The following GHR variants were observed in gnomAD, a reference collection of about 807,000 sequenced individuals.
GHR encodes growth hormone receptor, also known as GH receptor.
In GHR, 35 loss-of-function variants were observed where a neutral mutation model predicts 67.1. That is an observed-to-expected ratio of 0.52 (90% CI 0.40 to 0.69). GHR has a LOEUF of 0.69. Among genes scored for constraint, GHR ranks in the 30% least tolerant of loss-of-function variants. The pLI is 0.00. For synonymous variants in GHR, 272 were observed against 269.1 expected (o/e 1.01, Z -0.10); for missense variants, 792 against 764.6 (o/e 1.04, Z -0.42).
chr5:42,426,085 G>A (rs1026523739), intron 1 of GHR, among the ~76,000 whole-genome samples: 4 of 152,172 alleles, frequency 2.6e-5, no homozygotes, highest in African/African-American at 9.7e-5. Flanking sequence ...ATGGATACTA[G>A]AGGCCTCCTG....
chr5:42,521,783 T>A (rs2112305885), intron 1 of GHR, among the ~76,000 whole-genome samples: 1 of 152,312 alleles, frequency 6.6e-6, no homozygotes, highest in East Asian at 1.9e-4. Flanking sequence ...AGAGTTCTAG[T>A]TATATAAAAT....
intron 3 of GHR, among the ~76,000 whole-genome samples, chr5:42,683,776 C>T (rs568339289): frequency 2.0e-5 from 3 of 152,316 alleles, no homozygotes; most frequent in East Asian, 1.9e-4. Context: ...ACATCTGTAT[C>T]GGAGTTCCAT....
intron 1 of GHR, among the ~76,000 whole-genome samples, chr5:42,504,275 A>G (rs1746661815): frequency 6.6e-6 from 1 of 152,178 alleles, no homozygotes; most frequent in Admixed American, 6.5e-5. Flanking sequence ...ACCTGATTTT[A>G]TGCCCAATTT....
At chr5:42,517,021 G>A (rs188094230) in intron 1 of GHR, among the ~76,000 whole-genome samples, 2 of 152,322 alleles carry the variant, frequency 1.3e-5, no homozygotes, top group East Asian at 3.9e-4. Flanking sequence ...ATCTTTTTCA[G>A]TCTGCCTGCC....
At chr5:42,578,235 C>A (rs1207267362) in intron 2 of GHR, among the ~76,000 whole-genome samples, 1 of 152,104 alleles carries the variant, frequency 6.6e-6, no homozygotes, top group African/African-American at 2.4e-5. Flanking sequence ...CAAAATGGCT[C>A]CTGCTTGAGA....
chr5:42,467,915 G>A, intron 1 of GHR: 2 of 747,082 alleles, frequency 2.7e-6, no homozygotes, highest in South Asian at 3.5e-5. Flanking sequence ...GAAGCTTTCA[G>A]GTAAGTGACA....
In GHR at chr5:42,499,604, A is replaced by C. The variant is rs143781990; in HGVS notation, c.-11-66260A>C. Among the ~76,000 whole-genome samples, 438 of 152,314 alleles carry C rather than the reference A, an allele frequency of 2.9e-3. 2 individuals carry two copies. The highest frequency in any genetic ancestry group is 4.9e-3 in the Non-Finnish European group (336 of 68,020). Reference sequence around the variant, plus strand: ...TGTTTCACTCCAGGCACAGGCACAGAGCCGCAAGAGTAGAAAACAAGAATT... The same window carrying C: ...TGTTTCACTCCAGGCACAGGCACAGCGCCGCAAGAGTAGAAAACAAGAATT... On this transcript the variant is annotated intron_variant, in intron 1 of 9. Coordinates refer to ENST00000230882, the MANE Select transcript of GHR (RefSeq NM_000163.5).
intron 3 of GHR, among the ~76,000 whole-genome samples, chr5:42,659,811 C>T (rs1755473828): frequency 6.6e-6 from 1 of 152,106 alleles, no homozygotes; most frequent in Admixed American, 6.5e-5. Context: ...GAGGCATTGC[C>T]TCACTCAGGA....
intron 3 of GHR, among the ~76,000 whole-genome samples, chr5:42,639,767 G>A (rs1754374272): frequency 6.6e-6 from 1 of 152,126 alleles, no homozygotes; most frequent in African/African-American, 2.4e-5. Context: ...TGTACACATG[G>A]TATCTTCCTT....
intron 1 of GHR, among the ~76,000 whole-genome samples, chr5:42,447,047 A>G (rs1048261229): frequency 6.6e-6 from 1 of 152,242 alleles, no homozygotes; most frequent in Non-Finnish European, 1.5e-5. Context: ...AGCTTTAAAC[A>G]TAATGAAATT....
At chr5:42,621,095 A>G (rs1753420091) in intron 2 of GHR, among the ~76,000 whole-genome samples, 1 of 152,102 alleles carries the variant, frequency 6.6e-6, no homozygotes, top group African/African-American at 2.4e-5. Flanking sequence ...CTTACTGATT[A>G]TGGCCTGGTA....
At chr5:42,518,004 G>T (rs189667561) in intron 1 of GHR, among the ~76,000 whole-genome samples, 186 of 151,890 alleles carry the variant, frequency 1.2e-3, no homozygotes, top group African/African-American at 4.1e-3. Context: ...CAGTTCCCTG[G>T]TCTTCTCATA....
chr5:42,661,813 T>C lies in GHR; in HGVS notation c.137-27077T>C, dbSNP rs575888386. On this transcript the variant is annotated intron_variant, in intron 3 of 9. Transcript: ENST00000230882. ...CAATTAAAAGACACAGACTGGCAAA[T>C]TGGATAAAGAGTCAAGAACCATCAG... 3.3e-5 allele frequency among the ~76,000 whole-genome samples: 5 copies of C among 152,200 alleles called. No individual in the cohort carries two copies. In the East Asian group the frequency reaches 7.7e-4, roughly 24 times the overall value.
intron 3 of GHR, among the ~76,000 whole-genome samples, chr5:42,671,379 C>T (rs947361212): frequency 1.3e-5 from 2 of 151,962 alleles, no homozygotes; most frequent in African/African-American, 2.4e-5. Context: ...CAGCACCAAG[C>T]CATAAGGGCC....
At chr5:42,643,667 G>A (rs186541687) in intron 3 of GHR, among the ~76,000 whole-genome samples, 1 of 151,816 alleles carries the variant, frequency 6.6e-6, no homozygotes, top group East Asian at 1.9e-4. Flanking sequence ...AGAGAAATTG[G>A]CAAAATATTA....
chr5:42,649,958 T>C (rs1754931756), intron 3 of GHR, among the ~76,000 whole-genome samples: 1 of 152,178 alleles, frequency 6.6e-6, no homozygotes, highest in Non-Finnish European at 1.5e-5. Flanking sequence ...ACCAGAGCTC[T>C]TTCCTTTAAG....
intron 3 of GHR, among the ~76,000 whole-genome samples, chr5:42,641,824 C>A (rs1305827665): frequency 6.6e-6 from 1 of 152,114 alleles, no homozygotes; most frequent in Middle Eastern, 3.2e-3. Context: ...GCTGACAAAC[C>A]AGAAAACCAG....
chr5:42,566,946 A>C (rs1749976406), intron 2 of GHR, among the ~76,000 whole-genome samples: 1 of 152,198 alleles, frequency 6.6e-6, no homozygotes. Flanking sequence ...AGAAGAGTAA[A>C]ATATGTTATT....
chr5:42,662,655 A>G (rs558717541), intron 3 of GHR, among the ~76,000 whole-genome samples: 28 of 152,342 alleles, frequency 1.8e-4, no homozygotes, highest in African/African-American at 6.7e-4. Flanking sequence ...AGAAAGCAGG[A>G]AAGATCCAAA....
Sources: gnomAD v4.1 joint callset for allele counts (sites outside exome capture counted in the v4.1 genomes callset) on GRCh38, gnomAD v4.1.1 for gene constraint, MANE v1.5 for transcripts, NCBI Gene and HGNC (gene_info 2026-07-23, HGNC 2026-07-21) for gene names.